Variants in OASL observed in about 807,000 individuals in gnomAD.
OASL encodes the protein 2'-5'-oligoadenylate synthase-like protein.
Under a neutral mutation model 35.3 loss-of-function variants are expected in OASL, and 28 were observed. The ratio of observed to expected loss-of-function variants is 0.79; its 90% confidence interval spans 0.59 to 1.09. OASL has a LOEUF of 1.09. OASL is among the 50% of genes least tolerant of loss of function. OASL has a pLI of 0.00. For synonymous variants in OASL, 252 were observed against 254.6 expected (o/e 0.99, Z 0.10); for missense variants, 620 against 635.2 (o/e 0.98, Z 0.26).
chr12:121,033,428 T>C (rs1218823143), intron 2 of OASL, 33 bp downstream of exon 2: 5 of 1,595,782 alleles, frequency 3.1e-6, no homozygotes, highest in African/African-American at 1.3e-5. Context: ...GGTGGGCAAG[T>C]GTGTGAGTCG....
Position 121,036,547 on chromosome 12 carries a change from G to A in OASL, c.198+2227C>T, listed in dbSNP as rs367882774. 7.1e-4 allele frequency among the ~76,000 whole-genome samples: 108 copies of A among 152,268 alleles called. 3 individuals carry two copies. The South Asian group carries it at 0.022, about 31-fold the overall frequency. ...ACCTGTAATCCCAGCATTTGGGGAG[G>A]CCGAGGTGGGTGGATCACTTGAGGT... is the stretch of plus-strand genomic sequence containing the variant. On this transcript the variant is annotated intron_variant, in intron 1 of 5. Coordinates refer to ENST00000257570, the Ensembl canonical transcript of OASL.
At chr12:121,033,643 T>C in exon 2 of OASL, 1 of 1,614,188 alleles carries the variant, frequency 6.2e-7, no homozygotes, top group Non-Finnish European at 8.5e-7. Context: ...ATCTTTGTGA[T>C]GCTTGGCTGC....
chr12:121,027,936 T>C, intron 3 of OASL, 119 bp from the exon 4 acceptor site: 1 of 814,912 alleles, frequency 1.2e-6, no homozygotes, highest in Non-Finnish European at 2.0e-6. Context: ...CTACTGGCTG[T>C]GTGACCTTGG....
intron 1 of OASL, among the ~76,000 whole-genome samples, chr12:121,034,939 T>C (rs928067027): frequency 2.0e-5 from 3 of 152,110 alleles, no homozygotes; most frequent in Non-Finnish European, 4.4e-5. Context: ...TTTCGATGTT[T>C]TGAGATTCTA....
At chr12:121,035,037 G>A (rs1869894093) in intron 1 of OASL, among the ~76,000 whole-genome samples, 1 of 151,776 alleles carries the variant, frequency 6.6e-6, no homozygotes, top group South Asian at 2.1e-4. Context: ...GTTGGGAGGT[G>A]GAATTGCTAG....
chr12:121,027,293 C>T (rs537321090), intron 4 of OASL, among the ~76,000 whole-genome samples: 10 of 82,674 alleles, frequency 1.2e-4, no homozygotes, highest in African/African-American at 2.7e-4. Flanking sequence ...ATGCTAGCTC[C>T]TACAAAGCAC....
intron 5 of OASL, among the ~76,000 whole-genome samples, chr12:121,023,508 T>C (rs1869339973): frequency 6.6e-6 from 1 of 152,128 alleles, no homozygotes; most frequent in South Asian, 2.1e-4. Context: ...CGGGCTGGTC[T>C]TGAACTCCTG....
At chr12:121,020,212 C>G in exon 6 of OASL, 1 of 210,636 alleles carries the variant, frequency 4.7e-6, no homozygotes, top group Non-Finnish European at 9.7e-6. Context: ...CAGCTCACTG[C>G]AGCTTCAGCC....
At chr12:121,038,891 C>G in exon 1 of OASL, 1 of 1,614,152 alleles carries the variant, frequency 6.2e-7, no homozygotes. Flanking sequence ...CCTTCCACTC[C>G]CGGTGGGGCT....
intron 3 of OASL, among the ~76,000 whole-genome samples, chr12:121,028,097 A>T (rs73417800): frequency 6.6e-6 from 1 of 152,234 alleles, no homozygotes; most frequent in Non-Finnish European, 1.5e-5. Context: ...GGTCACAAAC[A>T]TTCTAGCCTA....
rs767430366 is a variant in OASL, at chr12:121,035,921, G to C, written c.199-2178C>G. On this transcript the variant is annotated intron_variant, in intron 1 of 5. Coordinates refer to ENST00000257570, the Ensembl canonical transcript of OASL. ...TGCCCAGGCTGGAGTGCAATGGCAC[G>C]ATCTTCACTCACTGAAGCCTCGACC... Among the ~76,000 whole-genome samples, 87 of 152,156 alleles carry C rather than the reference G, an allele frequency of 5.7e-4. 2 individuals are homozygous for C. Among genetic ancestry groups the C allele is most frequent in the Admixed American group, 5.2e-4 (8 of 15,268 alleles).
intron 4 of OASL, among the ~76,000 whole-genome samples, chr12:121,026,791 G>T (rs561815778): frequency 1.2e-4 from 18 of 151,774 alleles, no homozygotes; most frequent in Non-Finnish European, 2.6e-4. Context: ...GGCAGAGGTT[G>T]CAATGAGTGG....
exon 6 of OASL, chr12:121,021,013 C>T: frequency 1.2e-6 from 2 of 1,610,654 alleles, no homozygotes; most frequent in Non-Finnish European, 1.7e-6. Context: ...AGGTTGAAAT[C>T]TGGGTAACCC....
At chr12:121,036,614 T>C (rs1334869547) in intron 1 of OASL, among the ~76,000 whole-genome samples, 2 of 152,226 alleles carry the variant, frequency 1.3e-5, no homozygotes, top group East Asian at 3.9e-4. Context: ...TGGAACCCCG[T>C]CTCTACTAAA....
intron 1 of OASL, among the ~76,000 whole-genome samples, chr12:121,037,649 G>C (rs184285704): frequency 6.6e-6 from 1 of 151,976 alleles, no homozygotes; most frequent in Non-Finnish European, 1.5e-5. Context: ...GGTGGGCGCT[G>C]TCGTCCCAGC....
Position 121,023,839 on chromosome 12 carries a change from T to A in OASL, c.1047+151A>T, listed in dbSNP as rs897312662. On this transcript the variant is annotated intron_variant, in intron 5 of 5. Coordinates refer to ENST00000257570, the Ensembl canonical transcript of OASL. ...CTGAGAGCCAAAGAATTTGTCCAAG[T>A]TCACGGAGCCCATGGGTGGTGCAGC... 9 of 807,332 alleles carry A rather than the reference T, an allele frequency of 1.1e-5. No homozygotes were observed. In the African/African-American group the frequency reaches 1.2e-4, roughly 11 times the overall value. 50.0% of individuals were successfully genotyped at this position (807,332 alleles called of 1,614,324 possible).
intron 4 of OASL, among the ~76,000 whole-genome samples, chr12:121,027,149 A>G (rs963217619): frequency 6.6e-6 from 1 of 152,124 alleles, no homozygotes; most frequent in African/African-American, 2.4e-5. Flanking sequence ...ATTTTCTCCA[A>G]CCCTTACATC....
At chr12:121,033,561 C>T (rs143025848) in exon 2 of OASL, 1 of 1,614,168 alleles carries the variant, frequency 6.2e-7, no homozygotes, top group Non-Finnish European at 8.5e-7. Context: ...TCTGCTCCAT[C>T]CTCAGGTCCT....
chr12:121,022,078 T>G (rs1010909895), intron 5 of OASL, among the ~76,000 whole-genome samples: 2 of 138,100 alleles, frequency 1.4e-5, no homozygotes, highest in African/African-American at 5.2e-5. Flanking sequence ...TCTGGCTAAG[T>G]TTTGTTCTTT....
Sources: gnomAD v4.1 joint callset for allele counts (sites outside exome capture counted in the v4.1 genomes callset) on GRCh38, gnomAD v4.1.1 for gene constraint, MANE v1.5 for transcripts, NCBI Gene and HGNC (gene_info 2026-07-23, HGNC 2026-07-21) for gene names.